Variants in DNAH14 observed in about 807,000 individuals in gnomAD.
The protein encoded by DNAH14 is axonemal beta dynein heavy chain 14.
Under a neutral mutation model 520.9 loss-of-function variants are expected in DNAH14, and 478 were observed. The ratio of observed to expected loss-of-function variants is 0.92; its 90% CI spans 0.85 to 0.99. The LOEUF is 0.99. Among genes scored for constraint, DNAH14 ranks in the 50% least tolerant of loss-of-function variants. DNAH14 has a pLI of 0.00. For synonymous variants in DNAH14, 1,581 were observed against 1,757.2 expected (o/e 0.90, Z 2.51); for missense variants, 4,831 against 5,234.5 (o/e 0.92, Z 2.38).
At chr1:225,107,935 A>G (rs981358032) in intron 23 of DNAH14, among the ~76,000 whole-genome samples, 1 of 152,184 alleles carries the variant, frequency 6.6e-6, no homozygotes, top group African/African-American at 2.4e-5. Context: ...GATGGTTAGT[A>G]TTGAGTGTCA....
chr1:225,030,678 A>G (rs2066459112), intron 11 of DNAH14, among the ~76,000 whole-genome samples: 1 of 151,972 alleles, frequency 6.6e-6, no homozygotes, highest in African/African-American at 2.4e-5. Flanking sequence ...AAAATTGATT[A>G]ATTAAATATA....
chr1:225,160,925 T>C (rs1357785752), intron 35 of DNAH14, among the ~76,000 whole-genome samples: 1 of 152,200 alleles, frequency 6.6e-6, no homozygotes, highest in Non-Finnish European at 1.5e-5. Flanking sequence ...TCTATTCTGT[T>C]TCCAGCTTTT....
At chr1:225,339,934 A>G (rs2095144027) in intron 68 of DNAH14, among the ~76,000 whole-genome samples, 1 of 152,114 alleles carries the variant, frequency 6.6e-6, no homozygotes, top group African/African-American at 2.4e-5. Flanking sequence ...CTCCCAGGCT[A>G]TTCTCAAGAT....
At chr1:225,258,976 A>T (rs1197128126) in intron 45 of DNAH14, 145 bp from the exon 46 acceptor site, 5 of 815,722 alleles carry the variant, frequency 6.1e-6, no homozygotes, top group Non-Finnish European at 9.2e-6. Context: ...AACCACTCTT[A>T]ACCACATTTT....
At position 225,079,445 on chromosome 1, in the gene DNAH14, A is replaced by C. The variant is rs2072833985; in HGVS notation, c.2663A>C (p.Lys888Thr). The C allele has an allele frequency of 6.5e-7, 1 of 1,547,728 alleles. No individual in the cohort carries two copies. Among genetic ancestry groups the C allele is most frequent in the African/African-American group, 1.4e-5 (1 of 72,738 alleles). The change falls in exon 18 of 86, where the codon AAG (lysine) becomes ACG (threonine). Residue 888 changes from lysine to threonine, a missense_variant. Lys to Thr is a moderately conservative substitution (Grantham distance 78). Coordinates refer to ENST00000682510, the MANE Select transcript of DNAH14 (RefSeq NM_001367479.1). ...LKFSQLKSSM[K>T]LSKINKDTAI... ...TTTAGTCAACTAAAATCATCTATGA[A>C]GTTAAGTAAAATAAATAAAGACACT...
intron 31 of DNAH14, among the ~76,000 whole-genome samples, chr1:225,148,763 A>G (rs1054398975): frequency 1.3e-5 from 2 of 151,924 alleles, no homozygotes; most frequent in Non-Finnish European, 2.9e-5. Flanking sequence ...GTGTCCCTTC[A>G]TGTCCTTTGC....
chr1:225,117,575 C>A, intron 23 of DNAH14, 109 bp from the exon 24 acceptor site: 1 of 656,576 alleles, frequency 1.5e-6, no homozygotes, highest in Non-Finnish European at 2.6e-6. Context: ...CTATATATAC[C>A]ATAACTAATA....
At chr1:225,260,171 T>A (rs553733540) in intron 46 of DNAH14, among the ~76,000 whole-genome samples, 2 of 152,018 alleles carry the variant, frequency 1.3e-5, no homozygotes, top group South Asian at 4.2e-4. Context: ...ACCAACATGG[T>A]GAAACCCTGT....
intron 79 of DNAH14, 27 bp downstream of exon 79, chr1:225,377,463 G>A (rs2095716202): frequency 6.6e-7 from 1 of 1,523,990 alleles, no homozygotes; most frequent in Non-Finnish European, 8.8e-7. Context: ...AAAAATTGTT[G>A]GTCAAAAATT....
At chr1:225,057,788 A>C (rs1220215480) in intron 17 of DNAH14, among the ~76,000 whole-genome samples, 1 of 152,132 alleles carries the variant, frequency 6.6e-6, no homozygotes, top group African/African-American at 2.4e-5. Flanking sequence ...TGAGATAGTC[A>C]TATGGTTTTT....
At chr1:225,252,904 T>C (rs371626431) in intron 44 of DNAH14, among the ~76,000 whole-genome samples, 8 of 152,152 alleles carry the variant, frequency 5.3e-5, no homozygotes, top group Non-Finnish European at 1.0e-4. Flanking sequence ...AAAAAGAAAC[T>C]TGTTGCACTT....
At chr1:225,272,816 C>G (rs986771496) in intron 51 of DNAH14, 139 bp from the exon 52 acceptor site, 105 of 857,900 alleles carry the variant, frequency 1.2e-4, no homozygotes, top group Admixed American at 4.0e-4. Flanking sequence ...CAGATTATCA[C>G]TTGTAGAAAT....
intron 23 of DNAH14, among the ~76,000 whole-genome samples, chr1:225,110,830 G>A (rs964013995): frequency 1.6e-4 from 24 of 151,814 alleles, no homozygotes; most frequent in African/African-American, 5.6e-4. Context: ...GGTATGTTGT[G>A]TTTCTGTTAT....
intron 84 of DNAH14, chr1:225,396,750 G>A (rs1291341400): frequency 6.6e-6 from 1 of 152,176 alleles, no homozygotes; most frequent in African/African-American, 2.4e-5. Context: ...GTGGCTCTTT[G>A]AAGAGTTAAA....
rs917164168 is a variant in DNAH14, at chr1:225,185,466, T to C, written c.5670+41T>C. 2.7e-6 allele frequency: 4 copies of C among 1,478,234 alleles called. No homozygotes were observed. In the African/African-American group the frequency reaches 5.8e-5, roughly 21 times the overall value. The allele number at this position is 1,478,234 out of a possible 1,614,324, so 91.6% of individuals were successfully genotyped here. On this transcript the variant is annotated intron_variant, in intron 37 of 85. Coordinates refer to ENST00000682510, the MANE Select transcript of DNAH14 (RefSeq NM_001367479.1). The stretch of plus-strand genomic sequence containing the variant: ...AATAAAATGTTTCTCTATTTGTTCA[T>C]ATCTTATTTTACACTTTAATATTTT...
intron 73 of DNAH14, chr1:225,357,870 T>G (rs1468646166): frequency 1.9e-5 from 13 of 701,278 alleles, no homozygotes; most frequent in Non-Finnish European, 2.9e-5. Context: ...ACAAATATCA[T>G]GTAAGTGATT....
intron 27 of DNAH14, among the ~76,000 whole-genome samples, chr1:225,136,624 T>G (rs992530708): frequency 5.9e-5 from 9 of 152,150 alleles, no homozygotes; most frequent in African/African-American, 2.2e-4. Flanking sequence ...CATGATTATG[T>G]GTCTCAGAGT....
intron 41 of DNAH14, among the ~76,000 whole-genome samples, chr1:225,208,511 A>G (rs2087902998): frequency 6.6e-6 from 1 of 152,186 alleles, no homozygotes; most frequent in Non-Finnish European, 1.5e-5. Flanking sequence ...TAATACAGAA[A>G]TATGTGTATA....
intron 17 of DNAH14, among the ~76,000 whole-genome samples, chr1:225,073,658 G>T (rs868739972): frequency 1.3e-3 from 184 of 145,340 alleles, no homozygotes; most frequent in African/African-American, 4.5e-3. Context: ...GTTGTTTTCA[G>T]TTTTTTGTTG....
Sources: gnomAD v4.1 joint callset for allele counts (sites outside exome capture counted in the v4.1 genomes callset) on GRCh38, gnomAD v4.1.1 for gene constraint, MANE v1.5 for transcripts, NCBI Gene and HGNC (gene_info 2026-07-23, HGNC 2026-07-21) for gene names.